Variants in CEP41 observed in about 807,000 individuals in gnomAD.
The protein encoded by CEP41 is centrosomal protein of 41 kDa.
A neutral mutation model predicts 44.3 loss-of-function variants in CEP41; 32 were observed. That is an observed-to-expected ratio of 0.72 (90% confidence interval 0.54 to 0.97). The LOEUF (loss-of-function observed/expected upper bound fraction) is 0.97. CEP41 is among the 50% of genes least tolerant of loss of function. The pLI is 0.00. For missense variants in CEP41, 432 were observed against 455.2 expected (o/e 0.95, Z 0.46); for synonymous variants, 151 against 168.5 (o/e 0.90, Z 0.80).
At position 130,394,587 on chromosome 7, in the gene CEP41, G is replaced by C. The variant is rs1554413782; in HGVS notation, c.*4304C>G. ...AGCAGCTCTCTGGGTACTTCCTGTA[G>C]AGGGAGATCTAAAAACCTCAGGGTT... On this transcript the variant is annotated 3_prime_UTR_variant, in exon 11 of 11. Coordinates refer to ENST00000223208, the MANE Select transcript of CEP41 (RefSeq NM_018718.3). 1 of 453,876 alleles carries C rather than the reference G, an allele frequency of 2.2e-6. No homozygotes were observed. Among genetic ancestry groups the C allele is most frequent in the Non-Finnish European group, 4.4e-6 (1 of 226,658 alleles). The allele number at this position is 453,876 out of a possible 1,614,324, so 28.1% of individuals were successfully genotyped here. A position where few individuals can be genotyped will look rare whatever the true frequency, so the allele number is the denominator to read the frequency against.
intron 2 of CEP41, chr7:130,421,995 TA>T (rs782610440): frequency 6.5e-7 from 1 of 1,536,016 alleles, no homozygotes. Flanking sequence ...GCTGGTAAGA[TA>T]CACACAGGCA....
At chr7:130,407,985 T>C (rs1191681937) in intron 5 of CEP41, among the ~76,000 whole-genome samples, 1 of 151,592 alleles carries the variant, frequency 6.6e-6, no homozygotes, top group Non-Finnish European at 1.5e-5. Flanking sequence ...GTGAAAAGAG[T>C]AAAAAAGCAA....
chr7:130,438,736 G>A (rs1417798669), intron 1 of CEP41, among the ~76,000 whole-genome samples: 2 of 152,036 alleles, frequency 1.3e-5, no homozygotes, highest in Non-Finnish European at 2.9e-5. Context: ...CAGCAGACAA[G>A]ATAAATATGT....
chr7:130,398,463 T>G lies in CEP41; in HGVS notation c.*428A>C, dbSNP rs564409113. The G allele has an allele frequency of 2.2e-6, 1 of 454,338 alleles. No homozygotes were observed. Among genetic ancestry groups the G allele is most frequent in the East Asian group, 7.0e-5 (1 of 14,378 alleles). 28.1% of individuals were successfully genotyped at this position (454,338 alleles called of 1,614,324 possible). ...CCAAGACTGCCCGGAGAAGCCTTCATGAAGTCAAGAACAGTGAATGAAAAG... is the reference window on the plus strand; with the variant it reads ...CCAAGACTGCCCGGAGAAGCCTTCAGGAAGTCAAGAACAGTGAATGAAAAG... On this transcript the variant is annotated 3_prime_UTR_variant, in exon 11 of 11. Transcript: ENST00000223208.
chr7:130,441,208 T>C (rs1304944134), upstream of CEP41: 2 of 621,348 alleles, frequency 3.2e-6, no homozygotes, highest in Non-Finnish European at 5.9e-6. Flanking sequence ...CCTTTTGTTC[T>C]CTGGGCTGGG....
chr7:130,425,284 G>A (rs782117893), intron 2 of CEP41, among the ~76,000 whole-genome samples: 1 of 152,026 alleles, frequency 6.6e-6, no homozygotes, highest in Non-Finnish European at 1.5e-5. Flanking sequence ...ATGGTGGTGC[G>A]CACCCGTAAT....
chr7:130,399,186 T>C (rs1417584354), intron 10 of CEP41, 147 bp from the exon 11 acceptor site: 7 of 889,286 alleles, frequency 7.9e-6, no homozygotes, highest in Admixed American at 2.0e-5. Flanking sequence ...AGGCCAACGA[T>C]GGCCTACTCC....
intron 1 of CEP41, among the ~76,000 whole-genome samples, chr7:130,430,517 T>C (rs1448682030): frequency 6.6e-6 from 1 of 152,226 alleles, no homozygotes; most frequent in African/African-American, 2.4e-5. Flanking sequence ...ATAATGCCAA[T>C]TTCAATTCCT....
intron 1 of CEP41, among the ~76,000 whole-genome samples, chr7:130,438,992 C>CT (rs1554426863): frequency 6.6e-6 from 1 of 152,126 alleles, no homozygotes; most frequent in African/African-American, 2.4e-5. Context: ...ACAATTTACT[C>CT]TATTTTGAAA....
chr7:130,417,778 G>C (rs570893232), intron 2 of CEP41, among the ~76,000 whole-genome samples: 1 of 152,136 alleles, frequency 6.6e-6, no homozygotes, highest in South Asian at 2.1e-4. Flanking sequence ...TCACCTAAAA[G>C]GTATGGCAAA....
At position 130,398,700 on chromosome 7, in the gene CEP41, C is replaced by T; in HGVS notation, c.*191G>A. Reference sequence around the variant, plus strand: ...TCACACCTCTGGTTTTTATGGTCACCTGTCAAAATCCTTCCTGAGGTGGCC... The same window carrying T: ...TCACACCTCTGGTTTTTATGGTCACTTGTCAAAATCCTTCCTGAGGTGGCC... On this transcript the variant is annotated 3_prime_UTR_variant, in exon 11 of 11. Transcript: ENST00000223208. The T allele has an allele frequency of 1.3e-6, 1 of 772,304 alleles. No homozygotes were observed. The highest frequency in any genetic ancestry group is 2.3e-6 in the Non-Finnish European group (1 of 428,836). 47.8% of individuals were successfully genotyped at this position (772,304 alleles called of 1,614,324 possible).
At chr7:130,431,095 G>T (rs1454061495) in intron 1 of CEP41, among the ~76,000 whole-genome samples, 3 of 151,790 alleles carry the variant, frequency 2.0e-5, no homozygotes, top group African/African-American at 7.3e-5. Context: ...CCAATTTCTT[G>T]TTCCTGACTT....
Position 130,398,915 on chromosome 7 carries a change from G to T in CEP41, c.1098C>A (p.His366Gln). ...HSNPRSLSSGHLQGKPWK is the reference protein window; with the variant it reads ...HSNPRSLSSGQLQGKPWK ...TTTACTTCCAGGGTTTGCCTTGCAGGTGACCACTGCTGAGGGAGCGGGGGT... is the reference window on the plus strand; with the variant it reads ...TTTACTTCCAGGGTTTGCCTTGCAGTTGACCACTGCTGAGGGAGCGGGGGT... Residue 366 changes from histidine (H) to glutamine (Q), a missense_variant, in exon 11 of 11, where the codon CAC (histidine) becomes CAA (glutamine). His to Gln is a conservative substitution (Grantham distance 24). Coordinates refer to ENST00000223208, the MANE Select transcript of CEP41 (RefSeq NM_018718.3). 1 of 1,614,240 alleles carries T rather than the reference G, an allele frequency of 6.2e-7. No homozygotes were observed. Among genetic ancestry groups the T allele is most frequent in the Non-Finnish European group, 8.5e-7 (1 of 1,180,040 alleles).
intron 1 of CEP41, 45 bp from the exon 2 acceptor site, chr7:130,428,063 T>C: frequency 7.8e-7 from 1 of 1,288,962 alleles, no homozygotes; most frequent in Non-Finnish European, 1.1e-6. Context: ...AATGTAAGGA[T>C]AACGATAAGG....
chr7:130,414,274 T>C (rs998509243), intron 3 of CEP41, among the ~76,000 whole-genome samples: 6 of 152,244 alleles, frequency 3.9e-5, no homozygotes, highest in Non-Finnish European at 7.3e-5. Flanking sequence ...CAAACCTATA[T>C]GCAGTGGAAC....
In CEP41 at chr7:130,397,129, A is replaced by G. The variant is rs1350514176; in HGVS notation, c.*1762T>C. On this transcript the variant is annotated 3_prime_UTR_variant, in exon 11 of 11. Coordinates refer to ENST00000223208, the MANE Select transcript of CEP41 (RefSeq NM_018718.3). ...TGGAAAAATGTGCATTTTTCTATCT[A>G]TGCTGTAAAGAAAATACAAAGCCAG... is the stretch of plus-strand genomic sequence containing the variant. 3.1e-5 allele frequency: 14 copies of G among 454,416 alleles called. No individual in the cohort carries two copies. The highest frequency in any genetic ancestry group is 6.2e-5 in the Non-Finnish European group (14 of 226,784). The allele number at this position is 454,416 out of a possible 1,614,324, so 28.1% of individuals were successfully genotyped here.
chr7:130,420,091 G>A, intron 2 of CEP41: 1 of 984,678 alleles, frequency 1.0e-6, no homozygotes, highest in South Asian at 4.7e-5. Context: ...GGAGGCTGAG[G>A]AGGCAGGATT....
rs1554414233 is a variant in CEP41, at chr7:130,395,790, A to C, written c.*3101T>G. 6.6e-6 allele frequency: 3 copies of C among 453,926 alleles called. No individual in the cohort carries two copies. In the East Asian group the frequency reaches 2.1e-4, roughly 32 times the overall value. The allele number at this position is 453,926 out of a possible 1,614,324, so 28.1% of individuals were successfully genotyped here. On this transcript the variant is annotated 3_prime_UTR_variant, in exon 11 of 11. Coordinates refer to ENST00000223208, the MANE Select transcript of CEP41 (RefSeq NM_018718.3). ...AATAGCACCACAGGAAAAATCCCTGAGCAACTAATGAATGTTATTTGGTCT... is the reference window on the plus strand; with the variant it reads ...AATAGCACCACAGGAAAAATCCCTGCGCAACTAATGAATGTTATTTGGTCT...
chr7:130,428,072 G>C, intron 1 of CEP41, 54 bp from the exon 2 acceptor site: 1 of 1,186,678 alleles, frequency 8.4e-7, no homozygotes, highest in Non-Finnish European at 1.3e-6. Flanking sequence ...ATAACGATAA[G>C]GTAAAGTCAG....
Sources: gnomAD v4.1 joint callset for allele counts (sites outside exome capture counted in the v4.1 genomes callset) on GRCh38, gnomAD v4.1.1 for gene constraint, MANE v1.5 for transcripts, NCBI Gene and HGNC (gene_info 2026-07-23, HGNC 2026-07-21) for gene names.